Variants in SH3GL2 observed in about 807,000 individuals in gnomAD.
SH3GL2 encodes SH3 domain containing GRB2 like 2, endophilin A1, also known as endophilin-A1.
SH3GL2 carries 24 observed loss-of-function variants against 46.0 expected under a neutral mutation model. That is an observed-to-expected ratio of 0.52 (90% CI 0.38 to 0.73). The LOEUF is 0.73. Ranked by LOEUF, SH3GL2 falls within the 30% of genes least tolerant of loss-of-function variation. The pLI is 0.00. For synonymous variants in SH3GL2, 196 were observed against 147.1 expected (o/e 1.33, Z -2.40); for missense variants, 413 against 424.2 (o/e 0.97, Z 0.23).
At chr9:17,683,612 C>G (rs1303246896) in intron 1 of SH3GL2, among the ~76,000 whole-genome samples, 1 of 152,006 alleles carries the variant, frequency 6.6e-6, no homozygotes, top group Non-Finnish European at 1.5e-5. Flanking sequence ...CAAACGGATC[C>G]TGCCTAAGAC....
At chr9:17,686,686 A>G (rs1437126189) in intron 1 of SH3GL2, among the ~76,000 whole-genome samples, 2 of 146,170 alleles carry the variant, frequency 1.4e-5, no homozygotes, top group African/African-American at 2.5e-5. Context: ...AACTATCGCA[A>G]GAACAAAAAA....
In SH3GL2 at chr9:17,649,992, G is replaced by A. The variant is rs199673069; in HGVS notation, c.45+70705G>A. On this transcript the variant is annotated intron_variant, in intron 1 of 8. Coordinates refer to ENST00000380607, the MANE Select transcript of SH3GL2 (RefSeq NM_003026.5). ...TAAATTGATTAATCTAAAAAGAAAA[G>A]CCTTCATAACCACCAGCTTTTATTT... Among the ~76,000 whole-genome samples the A allele has an allele frequency of 4.6e-4, 70 of 152,222 alleles. No homozygotes were observed. The East Asian group carries it at 0.012, about 25-fold the overall frequency.
chr9:17,729,402 A>T (rs1822112932), intron 1 of SH3GL2, among the ~76,000 whole-genome samples: 1 of 152,078 alleles, frequency 6.6e-6, no homozygotes, highest in Non-Finnish European at 1.5e-5. Flanking sequence ...ATTTTCCCCC[A>T]TTCCGTAGGT....
chr9:17,615,911 C>CT (rs1307090490), intron 1 of SH3GL2, among the ~76,000 whole-genome samples: 2 of 152,056 alleles, frequency 1.3e-5, no homozygotes, highest in African/African-American at 4.8e-5. Flanking sequence ...CTCCATTTTA[C>CT]TTTTTCTACT....
chr9:17,695,792 A>C lies in SH3GL2; in HGVS notation c.46-51274A>C, dbSNP rs1047929227. 3.3e-5 allele frequency among the ~76,000 whole-genome samples: 5 copies of C among 152,104 alleles called. No individual in the cohort carries two copies. The South Asian group carries it at 8.3e-4, about 25-fold the overall frequency. ...TCTATCCAGATTTTTTTAAAAATGG[A>C]AACATTGTGAAAAAAATCTTGATGT... On this transcript the variant is annotated intron_variant, in intron 1 of 8. Transcript: ENST00000380607.
intron 1 of SH3GL2, among the ~76,000 whole-genome samples, chr9:17,616,421 A>G (rs1225683437): frequency 6.6e-6 from 1 of 152,152 alleles, no homozygotes; most frequent in African/African-American, 2.4e-5. Context: ...ATTAAAATCA[A>G]CAAGGAGAAA....
chr9:17,690,991 A>C (rs1028301872), intron 1 of SH3GL2, among the ~76,000 whole-genome samples: 1 of 152,128 alleles, frequency 6.6e-6, no homozygotes, highest in African/African-American at 2.4e-5. Context: ...TGTGGCAAAT[A>C]TTATACTTTT....
In SH3GL2 at chr9:17,763,548, G is replaced by A. The variant is rs183654383; in HGVS notation, c.187+2039G>A. On this transcript the variant is annotated intron_variant, in intron 3 of 8. Transcript: ENST00000380607. ...GGAATGCCAGGAGCCACCACCACAA[G>A]CTGGAAGACATGAGGAAGGATTCTC... Among the ~76,000 whole-genome samples, 297 of 152,256 alleles carry A rather than the reference G, an allele frequency of 2.0e-3. 1 individual carries two copies. The highest frequency in any genetic ancestry group is 3.1e-3 in the South Asian group (15 of 4,822).
intron 2 of SH3GL2, among the ~76,000 whole-genome samples, chr9:17,752,162 G>T (rs1405344186): frequency 6.6e-6 from 1 of 152,102 alleles, no homozygotes; most frequent in Non-Finnish European, 1.5e-5. Flanking sequence ...GGGGACAGAT[G>T]GATTAACTCT....
chr9:17,626,883 A>C lies in SH3GL2; in HGVS notation c.45+47596A>C, dbSNP rs545243616. Among the ~76,000 whole-genome samples, 12 of 152,236 alleles carry C rather than the reference A, an allele frequency of 7.9e-5. No homozygotes were observed. The South Asian group carries it at 2.5e-3, about 32-fold the overall frequency. ...GAGTCGAGGAAGAGGAGGCCTTGAA[A>C]ATAGTCTCCTTTCTAACTACCAAAT... On this transcript the variant is annotated intron_variant, in intron 1 of 8. Transcript: ENST00000380607.
chr9:17,666,545 CGT>C (rs71331502), intron 1 of SH3GL2, among the ~76,000 whole-genome samples: 1,715 of 142,070 alleles, frequency 0.012, 17 homozygotes, highest in African/African-American at 0.012. Flanking sequence ...ACAAAGGTAA[CGT>C]GTGTGTGTGT....
chr9:17,651,514 C>T (rs1185190195), intron 1 of SH3GL2, among the ~76,000 whole-genome samples: 1 of 152,164 alleles, frequency 6.6e-6, no homozygotes, highest in African/African-American at 2.4e-5. Context: ...CAGAGGAATA[C>T]TCTTCACTTT....
chr9:17,619,302 C>G (rs1039340354), intron 1 of SH3GL2, among the ~76,000 whole-genome samples: 1 of 152,188 alleles, frequency 6.6e-6, no homozygotes, highest in African/African-American at 2.4e-5. Context: ...GCCTTCCCTA[C>G]TCAACTATAT....
In SH3GL2 at chr9:17,701,576, A is replaced by G. The variant is rs188823556; in HGVS notation, c.46-45490A>G. Among the ~76,000 whole-genome samples, 183 of 152,268 alleles carry G rather than the reference A, an allele frequency of 1.2e-3. 1 individual carries two copies. Among genetic ancestry groups the G allele is most frequent in the African/African-American group, 3.8e-3 (159 of 41,564 alleles). ...TATACCTAGAAAACTTTATGGGAGC[A>G]ATTGAAACAACATGACGAACAATAA... On this transcript the variant is annotated intron_variant, in intron 1 of 8. Transcript: ENST00000380607.
intron 1 of SH3GL2, among the ~76,000 whole-genome samples, chr9:17,586,535 G>A (rs191109156): frequency 1.9e-3 from 286 of 152,264 alleles, no homozygotes; most frequent in African/African-American, 5.9e-3. Flanking sequence ...ACCCGAGACT[G>A]GGTAATTTAT....
At chr9:17,763,395 T>G (rs1823233792) in intron 3 of SH3GL2, among the ~76,000 whole-genome samples, 1 of 152,118 alleles carries the variant, frequency 6.6e-6, no homozygotes, top group African/African-American at 2.4e-5. Context: ...GAACTCTTCC[T>G]AGATTTAGGG....
At chr9:17,708,413 C>T (rs1009302280) in intron 1 of SH3GL2, among the ~76,000 whole-genome samples, 2 of 151,952 alleles carry the variant, frequency 1.3e-5, no homozygotes, top group Admixed American at 6.6e-5. Flanking sequence ...CTCTACTTTG[C>T]GTAATTTAGG....
chr9:17,603,125 A>G (rs1818699728), intron 1 of SH3GL2, among the ~76,000 whole-genome samples: 1 of 152,188 alleles, frequency 6.6e-6, no homozygotes, highest in African/African-American at 2.4e-5. Flanking sequence ...CCAGAGCAGC[A>G]AAGAGTTTTA....
intron 3 of SH3GL2, among the ~76,000 whole-genome samples, chr9:17,785,352 C>T (rs997341008): frequency 2.0e-5 from 3 of 152,160 alleles, no homozygotes; most frequent in East Asian, 1.9e-4. Context: ...TTGTCGTGCT[C>T]ATTGTAATAT....
Sources: allele counts gnomAD v4.1 joint callset (sites outside exome capture counted in the v4.1 genomes callset), GRCh38; gene constraint gnomAD v4.1.1; transcripts MANE v1.5; gene names NCBI Gene and HGNC (gene_info 2026-07-23, HGNC 2026-07-21).